Variants in RYR1 observed in about 807,000 individuals in gnomAD.
RYR1 encodes central core disease of muscle.
In RYR1, 342 loss-of-function variants were observed where a neutral mutation model predicts 583.5. The ratio of observed to expected loss-of-function variants is 0.59; its 90% confidence interval spans 0.54 to 0.64. RYR1 has a LOEUF of 0.64. Among genes scored for constraint, RYR1 ranks in the 30% least tolerant of loss-of-function variants. The pLI, the probability that RYR1 is intolerant of heterozygous loss-of-function variation, is 0.00. For synonymous variants in RYR1, 2,791 were observed against 2,822.5 expected, an observed-to-expected ratio of 0.99 and a Z score of 0.35; for missense variants, 6,032 against 6,917.2, an observed-to-expected ratio of 0.87 and a Z score of 4.54.
intron 1 of RYR1, among the ~76,000 whole-genome samples, chr19:38,435,496 C>A (rs1972385575): frequency 6.6e-6 from 1 of 152,132 alleles, no homozygotes; most frequent in Non-Finnish European, 1.5e-5. Flanking sequence ...CTTTGGGAGG[C>A]CAAGGTGAGC....
At chr19:38,448,270 A>C (rs1966890775) in intron 9 of RYR1, 85 bp from the exon 10 acceptor site, 1 of 1,473,572 alleles carries the variant, frequency 6.8e-7, no homozygotes, top group Non-Finnish European at 9.2e-7. Context: ...GGTTTCTGTA[A>C]AAAAAAGAAA....
intron 37 of RYR1, among the ~76,000 whole-genome samples, chr19:38,491,454 C>T (rs1401947716): frequency 7.0e-6 from 1 of 143,194 alleles, no homozygotes; most frequent in Non-Finnish European, 1.5e-5. Context: ...TTTTTTGAGA[C>T]GGTCTCACTC....
At chr19:38,501,290 G>T (rs1366128866) in intron 47 of RYR1, among the ~76,000 whole-genome samples, 1 of 152,046 alleles carries the variant, frequency 6.6e-6, no homozygotes. Context: ...ACAAGGTCAG[G>T]AGTTCGAGAC....
At chr19:38,434,839 C>G (rs889586354) in intron 1 of RYR1, among the ~76,000 whole-genome samples, 3 of 152,312 alleles carry the variant, frequency 2.0e-5, no homozygotes, top group Admixed American at 6.5e-5. Flanking sequence ...CGCCCCTCCC[C>G]CCGGGGCCCT....
intron 64 of RYR1, among the ~76,000 whole-genome samples, chr19:38,515,832 T>C (rs1250677189): frequency 6.6e-6 from 1 of 152,128 alleles, no homozygotes. Flanking sequence ...TCCCAGCGAC[T>C]CAGGAGGCTG....
chr19:38,505,224 A>T (rs1255997144), intron 52 of RYR1, 85 bp from the exon 53 acceptor site: 2 of 1,157,244 alleles, frequency 1.7e-6, no homozygotes, highest in Non-Finnish European at 2.5e-6. Context: ...CCCCCCCAGG[A>T]TTCTCTGTCC....
At chr19:38,503,053 T>C in intron 49 of RYR1, 83 bp downstream of exon 49, 2 of 1,349,516 alleles carry the variant, frequency 1.5e-6, no homozygotes, top group Non-Finnish European at 2.1e-6. Context: ...GGCTCATTTG[T>C]GTCGGCACTG....
In RYR1 at chr19:38,500,698, C is replaced by G. The variant is rs932151684; in HGVS notation, c.7416C>G (p.Leu2472=). The change falls in exon 46 of 106, where the codon CTC becomes CTG. Residue 2472 remains leucine (L), a synonymous_variant. Transcript: ENST00000359596. This position sits in a 1 kb window ranked among gnomAD's most constrained non-coding sequence, Gnocchi z 5.9. ...AGGACCTTGTGGGCATCATCAGCCT[C>G]CCACTGCAGATTCCCACCCTGGGCA... ...PLEDLVGIIS[L]PLQIPTLGKD... 3 of 1,614,016 alleles carry G rather than the reference C, an allele frequency of 1.9e-6. No homozygotes were observed. In the Admixed American group the frequency reaches 5.0e-5, roughly 27 times the overall value.
rs1191220354 is a variant in RYR1 at position 38,515,122 on chromosome 19, C to A, written c.9554+15C>A. ...TATGTGGAAAAGTAAGGAGAGGGAG[C>A]CATCGTTTGGGGCTGGGTGGGGCTG... On this transcript the variant is annotated intron_variant, in intron 64 of 105. Transcript: ENST00000359596. 1 of 1,589,084 alleles carries A rather than the reference C, an allele frequency of 6.3e-7. No individual in the cohort carries two copies. Among genetic ancestry groups the A allele is most frequent in the South Asian group, 1.1e-5 (1 of 90,386 alleles).
intron 31 of RYR1, among the ~76,000 whole-genome samples, chr19:38,481,037 A>G (rs1420980458): frequency 1.3e-5 from 2 of 151,406 alleles, no homozygotes; most frequent in African/African-American, 4.9e-5. Context: ...TTATTTATTT[A>G]ATTATTTATT....
At position 38,519,202 on chromosome 19, in the gene RYR1, G is replaced by A. The variant is rs760157493; in HGVS notation, c.10019-12G>A. The A allele has an allele frequency of 2.1e-5, 34 of 1,613,912 alleles. No homozygotes were observed. The Admixed American group carries it at 3.5e-4, about 17-fold the overall frequency. ...GCCGGAGGTGGCATCAGAGCCCATC[G>A]CACCCCTGCAGTGTTCGCACAGCCC... On this transcript the variant is annotated splice_polypyrimidine_tract_variant and intron_variant, in intron 66 of 105. Coordinates refer to ENST00000359596, the MANE Select transcript of RYR1 (RefSeq NM_000540.3).
chr19:38,538,072 C>A, intron 84 of RYR1, 112 bp downstream of exon 84: 1 of 967,160 alleles, frequency 1.0e-6, no homozygotes, highest in Non-Finnish European at 1.6e-6. Context: ...GATGGCCACT[C>A]TCCAGCCAGT....
At position 38,548,472 on chromosome 19, in the gene RYR1, C is replaced by T. The variant is rs754809604; in HGVS notation, c.12282+52C>T. On this transcript the variant is annotated intron_variant, in intron 89 of 105. Coordinates refer to ENST00000359596, the MANE Select transcript of RYR1 (RefSeq NM_000540.3). ...AGGACTTGGGTGGGGTTGCCAAGGG[C>T]CAGCCATACCCTTCTGGCTGGCTGC... 4 of 1,563,092 alleles carry T rather than the reference C, an allele frequency of 2.6e-6. No homozygotes were observed. The South Asian group carries it at 4.5e-5, about 18-fold the overall frequency.
In RYR1 at chr19:38,504,257, A is replaced by G. The variant is rs761892151; in HGVS notation, c.7964A>G (p.Tyr2655Cys). Reference protein sequence around the residue: ...TNHYERCWKYYCLPTGWANFG... With the variant: ...TNHYERCWKYCCLPTGWANFG... ...CACTATGAGCGCTGTTGGAAGTACT[A>G]CTGCCTACCCACGGGCTGGGCCAAC... Residue 2655 changes from tyrosine to cysteine, a missense_variant, in exon 50 of 106, where the codon TAC becomes TGC. By Grantham distance (194) the Tyr-to-Cys change is radical. Transcript: ENST00000359596. The G allele has an allele frequency of 6.2e-7, 1 of 1,613,950 alleles. No homozygotes were observed. Among genetic ancestry groups the G allele is most frequent in the Non-Finnish European group, 8.5e-7 (1 of 1,180,000 alleles).
intron 87 of RYR1, among the ~76,000 whole-genome samples, chr19:38,545,275 G>A (rs80285228): frequency 0.023 from 3,451 of 152,258 alleles, 94 homozygotes; most frequent in Admixed American, 0.072. Flanking sequence ...TTGAGGGATT[G>A]TAAAGAGAGG....
intron 96 of RYR1, among the ~76,000 whole-genome samples, chr19:38,574,259 G>GA (rs1181191265): frequency 0.013 from 480 of 37,408 alleles, no homozygotes; most frequent in African/African-American, 0.029. Flanking sequence ...GACTCCATCT[G>GA]AAAAAAAAAA....
chr19:38,475,543 C>G, intron 29 of RYR1, 93 bp downstream of exon 29: 4 of 1,497,386 alleles, frequency 2.7e-6, no homozygotes, highest in Non-Finnish European at 3.7e-6. Flanking sequence ...CCAGTAGCTG[C>G]CCACCTTACA....
At chr19:38,509,964 C>T (rs1324045702) in intron 58 of RYR1, among the ~76,000 whole-genome samples, 1 of 152,148 alleles carries the variant, frequency 6.6e-6, no homozygotes, top group Admixed American at 6.5e-5. Flanking sequence ...GGGCATGTTC[C>T]ATGACCTTAA....
intron 93 of RYR1, among the ~76,000 whole-genome samples, chr19:38,569,813 A>C (rs1235504668): frequency 6.6e-6 from 1 of 152,198 alleles, no homozygotes; most frequent in African/African-American, 2.4e-5. Flanking sequence ...AGAATTAAAC[A>C]AGCTCATGCA....
Sources: gnomAD v4.1 joint callset for allele counts (sites outside exome capture counted in the v4.1 genomes callset) on GRCh38, gnomAD v4.1.1 for gene constraint, Gnocchi (gnomAD v3.1) non-coding constraint, MANE v1.5 for transcripts, NCBI Gene and HGNC (gene_info 2026-07-23, HGNC 2026-07-21) for gene names.